AP1B1: variants seen among roughly 807,000 people sequenced by gnomAD.
AP1B1 encodes adaptor related protein complex 1 subunit beta 1, also known as AP-1 complex subunit beta-1.
Under a neutral mutation model 104.3 loss-of-function variants are expected in AP1B1, and 36 were observed. The observed-to-expected ratio is 0.35, with a 90% confidence interval of 0.26 to 0.46. The LOEUF is 0.46. AP1B1 is among the 20% of genes least tolerant of loss of function. The pLI, the probability that AP1B1 is intolerant of heterozygous loss-of-function variation, is 1.00. For synonymous variants in AP1B1, 504 were observed against 517.5 expected (o/e 0.97, Z 0.35); for missense variants, 901 against 1,247.9 (o/e 0.72, Z 4.19).
At chr22:29,348,601 T>C (rs912261423) in intron 11 of AP1B1, among the ~76,000 whole-genome samples, 18 of 152,242 alleles carry the variant, frequency 1.2e-4, no homozygotes, top group Non-Finnish European at 1.9e-4. Context: ...AACTGATCAA[T>C]TGACAAAAAC....
At chr22:29,349,989 C>G in intron 10 of AP1B1, 46 bp downstream of exon 10, 1 of 1,478,842 alleles carries the variant, frequency 6.8e-7, no homozygotes, top group South Asian at 1.1e-5. Context: ...CATCCCTGTC[C>G]CCAGGCAGAG....
chr22:29,334,481 G>T (rs2061608610), intron 16 of AP1B1, 71 bp from the exon 17 acceptor site: 2 of 1,503,194 alleles, frequency 1.3e-6, no homozygotes, highest in Non-Finnish European at 1.8e-6. Flanking sequence ...CAGCCCACCT[G>T]AGGGTGCTTT....
At chr22:29,344,841 A>G (rs116668838) in intron 11 of AP1B1, among the ~76,000 whole-genome samples, 1,845 of 152,070 alleles carry the variant, frequency 0.012, 33 homozygotes, top group African/African-American at 0.041. Context: ...TCTGCTGTCC[A>G]TGGCTAGAGA....
chr22:29,374,879 A>G (rs999230930), intron 1 of AP1B1, among the ~76,000 whole-genome samples: 13 of 152,228 alleles, frequency 8.5e-5, no homozygotes, highest in Non-Finnish European at 1.8e-4. Context: ...AAATGACAGC[A>G]CAGTAGAGCT....
In AP1B1 at chr22:29,327,822, T is replaced by A. The variant is rs1279482398; in HGVS notation, c.*999A>T. On this transcript the variant is annotated 3_prime_UTR_variant, in exon 23 of 23. Transcript: ENST00000357586. ...ACCACTCGGAGGCAGCTTTCAATCC[T>A]GACATTCGGTGGAGGGGAAAAAAGT... is the stretch of plus-strand genomic sequence containing the variant. 1 of 152,200 alleles carries A rather than the reference T, an allele frequency of 6.6e-6. No individual in the cohort carries two copies. Among genetic ancestry groups the A allele is most frequent in the African/African-American group, 2.4e-5 (1 of 41,432 alleles). The allele number at this position is 152,200 out of a possible 1,614,324, so 9.4% of individuals were successfully genotyped here. A position where few individuals can be genotyped will look rare whatever the true frequency, so the allele number is the denominator to read the frequency against.
intron 7 of AP1B1, among the ~76,000 whole-genome samples, chr22:29,352,108 C>T (rs986221141): frequency 2.6e-5 from 4 of 152,210 alleles, no homozygotes; most frequent in East Asian, 1.9e-4. Flanking sequence ...CCCCATGGGA[C>T]GGGCTTGGGA....
In AP1B1 at chr22:29,354,815, G is replaced by C. The variant is rs757585860; in HGVS notation, c.773C>G (p.Ser258Cys). ...GAACTTCATCAGCACCTTCACAGCA[G>C]AGAGCACCACAGCGGAGTTGGCATG... ...LSHANSAVVL[S>C]AVKVLMKFME... The change falls in exon 7 of 23, where the codon TCT becomes TGT. Residue 258 changes from serine (S) to cysteine (C), a missense_variant. Physicochemically the swap from Ser to Cys is moderately radical, Grantham distance 112 (BLOSUM62 -1). This residue lies in a region of AP1B1 where 471 missense variants were observed against 696.7 expected (regional missense o/e 0.68). Transcript: ENST00000357586. 1.1e-5 allele frequency: 18 copies of C among 1,614,132 alleles called. No individual in the cohort carries two copies. Among genetic ancestry groups the C allele is most frequent in the South Asian group, 2.2e-5 (2 of 91,080 alleles).
chr22:29,330,564 G>C lies in AP1B1; in HGVS notation c.2612-32C>G, dbSNP rs370887160. On this transcript the variant is annotated intron_variant, in intron 20 of 22. Transcript: ENST00000357586. ...GGTCACATGGCCGTGAGAGGCCCCA[G>C]TCAGCGCGGGGGCCTGGGTACAGGC... 1.9e-6 allele frequency: 3 copies of C among 1,610,620 alleles called. No individual in the cohort carries two copies. The South Asian group carries it at 3.3e-5, about 18-fold the overall frequency.
chr22:29,338,595 G>C (rs1049964648), intron 16 of AP1B1, among the ~76,000 whole-genome samples: 4 of 152,210 alleles, frequency 2.6e-5, no homozygotes, highest in African/African-American at 9.7e-5. Context: ...TTTAAGGAGA[G>C]GAATGGTGAC....
In AP1B1 at chr22:29,380,963, G is replaced by T. The variant is rs554644524; in HGVS notation, c.-28+7461C>A. On this transcript the variant is annotated intron_variant, in intron 1 of 22. Coordinates refer to ENST00000357586, the MANE Select transcript of AP1B1 (RefSeq NM_001127.4). ...GAGATGCATGCCCCTCCTCTCTCAC[G>T]CATGCACCCTGCTGGCCATTACCCT... Among the ~76,000 whole-genome samples the T allele has an allele frequency of 3.9e-5, 6 of 152,200 alleles. No individual in the cohort carries two copies. The South Asian group carries it at 1.2e-3, about 32-fold the overall frequency.
Position 29,354,763 on chromosome 22 carries a change from G to C in AP1B1, c.825C>G (p.Asp275Glu). 6.2e-7 allele frequency: 1 copy of C among 1,614,118 alleles called. No individual in the cohort carries two copies. The highest frequency in any genetic ancestry group is 8.5e-7 in the Non-Finnish European group (1 of 1,180,030). ...KFMEMLSKDL[D>E]YYGTLLKKLA... ...GCTTCTTGAGCAGTGTGCCGTAGTAGTCCAAGTCCTTAGACAACATCTCCA... is the reference window on the plus strand; with the variant it reads ...GCTTCTTGAGCAGTGTGCCGTAGTACTCCAAGTCCTTAGACAACATCTCCA... The change falls in exon 7 of 23, where the codon GAC (aspartate) becomes GAG (glutamate). Residue 275 changes from aspartate (D) to glutamate (E), a missense_variant. Coordinates refer to ENST00000357586, the MANE Select transcript of AP1B1 (RefSeq NM_001127.4).
intron 9 of AP1B1, among the ~76,000 whole-genome samples, chr22:29,350,699 T>C (rs889572850): frequency 6.6e-6 from 1 of 152,152 alleles, no homozygotes; most frequent in African/African-American, 2.4e-5. Context: ...AGAATCTGGC[T>C]TAGTGGTCGA....
intron 1 of AP1B1, among the ~76,000 whole-genome samples, chr22:29,377,900 G>A (rs1415844740): frequency 6.6e-6 from 1 of 152,022 alleles, no homozygotes; most frequent in Non-Finnish European, 1.5e-5. Flanking sequence ...TGAAGTACCA[G>A]GGAGGTCAAG....
intron 13 of AP1B1, 97 bp from the exon 14 acceptor site, chr22:29,340,954 C>A: frequency 8.0e-7 from 1 of 1,245,644 alleles, no homozygotes; most frequent in East Asian, 2.5e-5. Context: ...AGGACAGGCA[C>A]TGAGTCTCCT....
intron 17 of AP1B1, 142 bp downstream of exon 17, chr22:29,334,123 G>A (rs539963408): frequency 7.3e-6 from 7 of 960,358 alleles, no homozygotes; most frequent in Admixed American, 2.8e-5. Context: ...CCTGAGCGGT[G>A]GTGGGGAACA....
intron 14 of AP1B1, among the ~76,000 whole-genome samples, chr22:29,340,453 C>T (rs993457348): frequency 2.0e-5 from 3 of 152,106 alleles, no homozygotes; most frequent in East Asian, 3.8e-4. Context: ...TGTGCGACCT[C>T]GGAGGGAAGG....
rs937210340 is a variant in AP1B1 at position 29,331,905 on chromosome 22, G to A, written c.2321C>T (p.Ala774Val). 2 of 1,610,512 alleles carry A rather than the reference G, an allele frequency of 1.2e-6. No homozygotes were observed. Among genetic ancestry groups the A allele is most frequent in the South Asian group, 1.1e-5 (1 of 91,034 alleles). ...IQFNRNSFGL[A>V]PAAPLQVHAP... ...GTGGACCTGGAGGGGGGCGGCGGGG[G>A]CCAGGCCAAAGCTGGGGAGAGAGAA... Residue 774 changes from alanine to valine, a missense_variant, in exon 18 of 23, where the codon GCC becomes GTC. Ala to Val is a moderately conservative substitution (Grantham distance 64). Coordinates refer to ENST00000357586, the MANE Select transcript of AP1B1 (RefSeq NM_001127.4).
intron 1 of AP1B1, among the ~76,000 whole-genome samples, chr22:29,387,963 C>T (rs1275278867): frequency 6.6e-6 from 1 of 152,238 alleles, no homozygotes; most frequent in Non-Finnish European, 1.5e-5. Flanking sequence ...CTCCAACAAA[C>T]AAGACCAAGC....
rs773226351 is a variant in AP1B1 at position 29,328,803 on chromosome 22, T to TGGGGC, written c.*17_*18insGCCCC. On this transcript the variant is annotated 3_prime_UTR_variant, in exon 23 of 23. Transcript: ENST00000357586. The surrounding 1 kb of genome is among the most constrained non-coding windows in gnomAD (Gnocchi z 4.1). Reference sequence around the variant, plus strand: ...CGATGGGGCGGGCAGAAGGCTGGGGTGGGCGCTGGCCGGGGTCTCAGTTCT... The same window carrying TGGGGC: ...CGATGGGGCGGGCAGAAGGCTGGGGTGGGGCGGGCGCTGGCCGGGGTCTCAGTTCT... 4.8e-5 allele frequency: 77 copies of TGGGGC among 1,596,204 alleles called. No individual in the cohort carries two copies. In the African/African-American group the frequency reaches 9.8e-4, roughly 20 times the overall value.
Sources: gnomAD v4.1 joint callset for allele counts (sites outside exome capture counted in the v4.1 genomes callset) on GRCh38, gnomAD v4.1.1 for gene constraint, gnomAD v4.1.1 regional missense constraint, Gnocchi (gnomAD v3.1) non-coding constraint, MANE v1.5 for transcripts, NCBI Gene and HGNC (gene_info 2026-07-23, HGNC 2026-07-21) for gene names.